Variants in CHD2 observed in about 807,000 individuals in gnomAD.
The protein encoded by CHD2 is chromodomain helicase DNA binding protein 2.
A neutral mutation model predicts 243.9 loss-of-function variants in CHD2; 28 were observed. That is an observed-to-expected ratio of 0.11 (90% CI 0.09 to 0.16). The LOEUF (loss-of-function observed/expected upper bound fraction) is 0.16. CHD2 is among the 10% of genes least tolerant of loss of function. CHD2 has a pLI of 1.00. For synonymous variants in CHD2, 775 were observed against 779.0 expected (o/e 0.99, Z 0.09); for missense variants, 1,386 against 2,209.8 (o/e 0.63, Z 7.47).
At chr15:92,918,836 T>C (rs889490393) in intron 2 of CHD2, among the ~76,000 whole-genome samples, 1 of 151,450 alleles carries the variant, frequency 6.6e-6, no homozygotes, top group African/African-American at 2.4e-5. Context: ...TATATATACA[T>C]ACACACATAT....
chr15:92,996,160 C>CTTT, intron 28 of CHD2, among the ~76,000 whole-genome samples: 1 of 112,994 alleles, frequency 8.9e-6, no homozygotes. Flanking sequence ...GGGTAAGTTT[C>CTTT]TTTTTTTTTT....
chr15:92,972,848 C>G lies in CHD2; in HGVS notation c.2505+431C>G, dbSNP rs1236100505. On this transcript the variant is annotated intron_variant, in intron 19 of 38. Transcript: ENST00000394196. ...CCTGGGCGACAGAGCGAGACTCCGT[C>G]TCAAAAAAAAAAAAAAAAAAAAAAG... is the stretch of plus-strand genomic sequence containing the variant. Among the ~76,000 whole-genome samples the G allele has an allele frequency of 1.1e-4, 16 of 141,042 alleles. 7 individuals are homozygous for G. Among genetic ancestry groups the G allele is most frequent in the Non-Finnish European group, 2.0e-4 (13 of 65,968 alleles). The allele number at this position is 141,042 out of a possible 152,430, so 92.5% of individuals were successfully genotyped here. A position where few individuals can be genotyped will look rare whatever the true frequency, so the allele number is the denominator to read the frequency against.
chr15:92,940,865 TA>T (rs1225797565), intron 7 of CHD2, among the ~76,000 whole-genome samples: 20 of 124,336 alleles, frequency 1.6e-4, no homozygotes, highest in East Asian at 5.4e-4. Context: ...TATAAATATA[TA>T]AAAATATACA....
rs976962064 is a variant in CHD2 at position 92,923,820 on chromosome 15, T to A, written c.63-501T>A. Among the ~76,000 whole-genome samples, 5 of 152,192 alleles carry A rather than the reference T, an allele frequency of 3.3e-5. No individual in the cohort carries two copies. In the South Asian group the frequency reaches 8.3e-4, roughly 25 times the overall value. ...ACCTCGTGATCCGCCCGCCTCGGCC[T>A]CCCAAAGTGCTGGGATTACAGGCAT... On this transcript the variant is annotated intron_variant, in intron 2 of 38. Transcript: ENST00000394196.
chr15:92,978,074 C>A, intron 20 of CHD2, 160 bp from the exon 21 acceptor site: 1 of 767,626 alleles, frequency 1.3e-6, no homozygotes, highest in South Asian at 1.7e-5. Flanking sequence ...ATTCATTCTA[C>A]CATCAAGTCC....
chr15:93,014,761 C>T lies in CHD2; in HGVS notation c.4758C>T (p.Ser1586=). ...CATTTCGTCCAGAGGCCTCAGGCTCCAGCCGGGACTCTCTGATATCTCAGT... is the reference window on the plus strand; with the variant it reads ...CATTTCGTCCAGAGGCCTCAGGCTCTAGCCGGGACTCTCTGATATCTCAGT... ...KKPFRPEASG[S]SRDSLISQSH... Residue 1586 remains serine (S), a synonymous_variant, in exon 37 of 39, where the codon TCC becomes TCT. Transcript: ENST00000394196. 6.2e-7 allele frequency: 1 copy of T among 1,614,152 alleles called. No individual in the cohort carries two copies. Among genetic ancestry groups the T allele is most frequent in the Non-Finnish European group, 8.5e-7 (1 of 1,180,022 alleles).
intron 13 of CHD2, among the ~76,000 whole-genome samples, chr15:92,952,898 T>C (rs1314881768): frequency 6.6e-6 from 1 of 152,166 alleles, no homozygotes; most frequent in East Asian, 1.9e-4. Context: ...TACATGTAGG[T>C]CTAGGAAATA....
At chr15:93,009,019 C>A in intron 34 of CHD2, 126 bp from the exon 35 acceptor site, 1 of 1,067,792 alleles carries the variant, frequency 9.4e-7, no homozygotes, top group Non-Finnish European at 1.3e-6. Context: ...CTAGCTTTAC[C>A]CACTCTTCCT....
chr15:92,949,701 A>G (rs998399287), intron 13 of CHD2, among the ~76,000 whole-genome samples: 1 of 152,204 alleles, frequency 6.6e-6, no homozygotes, highest in African/African-American at 2.4e-5. Flanking sequence ...TCCTTCACCA[A>G]TTTCAAGTAG....
intron 2 of CHD2, chr15:92,904,544 G>A: frequency 1.0e-6 from 1 of 1,002,608 alleles, no homozygotes; most frequent in African/African-American, 1.7e-5. Flanking sequence ...CTTCTTTCCT[G>A]GACGCGTTTG....
chr15:92,972,449 A>G, intron 19 of CHD2, 32 bp downstream of exon 19: 1 of 1,549,294 alleles, frequency 6.5e-7, no homozygotes, highest in Non-Finnish European at 8.7e-7. Context: ...CTGTGGGGGG[A>G]ATCAATCTCT....
rs114074094 is a variant in CHD2, at chr15:92,934,745, C to T, written c.444-2773C>T. Among the ~76,000 whole-genome samples, 879 of 152,198 alleles carry T rather than the reference C, an allele frequency of 5.8e-3. 4 individuals carry two copies. Among genetic ancestry groups the T allele is most frequent in the Middle Eastern group, 0.017 (5 of 294 alleles). On this transcript the variant is annotated intron_variant, in intron 5 of 38. Coordinates refer to ENST00000394196, the MANE Select transcript of CHD2 (RefSeq NM_001271.4). ...TGCTGGTCCTTACTATCTTTTTTCT[C>T]GTTCTTGAAAATGAAAAGAAAACGT...
chr15:92,982,044 G>T (rs1179008259), intron 24 of CHD2, among the ~76,000 whole-genome samples: 1 of 152,192 alleles, frequency 6.6e-6, no homozygotes, highest in Non-Finnish European at 1.5e-5. Flanking sequence ...TGGCTAGAAG[G>T]TTGAAGCAAG....
chr15:92,962,499 T>A (rs2053703769), intron 16 of CHD2, among the ~76,000 whole-genome samples: 1 of 152,170 alleles, frequency 6.6e-6, no homozygotes, highest in Admixed American at 6.5e-5. Flanking sequence ...GTCTTATAAT[T>A]CGGTTTTGTC....
rs138836603 is a variant in CHD2, at chr15:93,012,396, G to A, written c.4644G>A (p.Leu1548=). ...SKFTEFDARK[L]HKLYKMAHKK... ...TTACAGAATTTGATGCTCGAAAACT[G>A]CATAAGTTATACAAGATGGCTCATA... Residue 1548 remains leucine (L), a synonymous_variant, in exon 36 of 39, where the codon CTG becomes CTA. Transcript: ENST00000394196. The A allele has an allele frequency of 2.9e-5, 47 of 1,607,326 alleles. No homozygotes were observed. Among genetic ancestry groups the A allele is most frequent in the Non-Finnish European group, 3.8e-5 (45 of 1,178,074 alleles).
At chr15:93,004,444 G>A in intron 33 of CHD2, 173 bp from the exon 34 acceptor site, 1 of 498,702 alleles carries the variant, frequency 2.0e-6, no homozygotes, top group Non-Finnish European at 3.4e-6. Context: ...TGAGTAAGCT[G>A]CTAATCAGAC....
chr15:92,912,919 T>C (rs2052767615), intron 2 of CHD2, among the ~76,000 whole-genome samples: 1 of 152,332 alleles, frequency 6.6e-6, no homozygotes, highest in African/African-American at 2.4e-5. Flanking sequence ...AGGCAATATA[T>C]GACTGGTGAA....
At chr15:92,988,031 T>A (rs2054066963) in intron 26 of CHD2, among the ~76,000 whole-genome samples, 1 of 152,168 alleles carries the variant, frequency 6.6e-6, no homozygotes. Flanking sequence ...TTACACATTT[T>A]AAACCCATCA....
intron 34 of CHD2, 68 bp from the exon 35 acceptor site, chr15:93,009,077 C>T: frequency 6.5e-7 from 1 of 1,535,186 alleles, no homozygotes; most frequent in East Asian, 2.3e-5. Context: ...ATCGAGAGCA[C>T]AGTAAGCAAA....
Sources: gnomAD v4.1 joint callset for allele counts (sites outside exome capture counted in the v4.1 genomes callset) on GRCh38, gnomAD v4.1.1 for gene constraint, MANE v1.5 for transcripts, NCBI Gene and HGNC (gene_info 2026-07-23, HGNC 2026-07-21) for gene names.